The following DCUN1D5 variants were observed in gnomAD, a reference collection of about 807,000 sequenced individuals.
DCUN1D5 encodes the protein DCN1-like protein 5.
A neutral mutation model predicts 38.3 loss-of-function variants in DCUN1D5; 10 were observed. The observed-to-expected ratio is 0.26, with a 90% CI of 0.16 to 0.44. The LOEUF (loss-of-function observed/expected upper bound fraction) is 0.44. DCUN1D5 is among the 20% of genes least tolerant of loss of function. The probability of loss-of-function intolerance (pLI) is 1.00; values close to 1 mark genes in which losing one functional copy is unlikely to be tolerated. For synonymous variants in DCUN1D5, 93 were observed against 90.9 expected (o/e 1.02, Z -0.13); for missense variants, 148 against 275.3 (o/e 0.54, Z 3.27).
rs71066136 is a variant in DCUN1D5 at position 103,051,501 on chromosome 11, T to TCCCCCCCCCCCCCCC, written c.*10857_*10858insGGGGGGGGGGGGGGG. ...GATTTGGTGGCTTCACATATTTACTTCCCCCCCCCCCCCGCCACCCCTGTG... is the reference window on the plus strand; with the variant it reads ...GATTTGGTGGCTTCACATATTTACTTCCCCCCCCCCCCCCCCCCCCCCCCCCCCGCCACCCCTGTG... On this transcript the variant is annotated 3_prime_UTR_variant, in exon 8 of 8. Transcript: ENST00000260247. 3 of 111,418 alleles carry TCCCCCCCCCCCCCCC rather than the reference T, an allele frequency of 2.7e-5. No individual in the cohort carries two copies. Among genetic ancestry groups the TCCCCCCCCCCCCCCC allele is most frequent in the African/African-American group, 4.0e-5 (1 of 24,770 alleles). The allele number at this position is 111,418 out of a possible 1,614,324, so 6.9% of individuals were successfully genotyped here. A position where few individuals can be genotyped will look rare whatever the true frequency, so the allele number is the denominator to read the frequency against.
rs1862605448 is a variant in DCUN1D5 at position 103,083,011 on chromosome 11, TAAAAG to T, written c.250-177_250-173del. On this transcript the variant is annotated intron_variant, in intron 3 of 7. Transcript: ENST00000260247. The surrounding 1 kb of genome is among the most constrained non-coding windows in gnomAD (Gnocchi z 4.4). ...AAGAAATTGAGATGTGCCAATTTCT[TAAAAG>T]TAAAAAGTTCTAACAGTTTCTGAAG... 6.6e-6 allele frequency among the ~76,000 whole-genome samples: 1 copy of T among 152,040 alleles called. No homozygotes were observed. Among genetic ancestry groups the T allele is most frequent in the African/African-American group, 2.4e-5 (1 of 41,458 alleles).
chr11:103,081,240 A>C (rs1470165906), intron 4 of DCUN1D5, among the ~76,000 whole-genome samples: 1 of 152,080 alleles, frequency 6.6e-6, no homozygotes, highest in Admixed American at 6.6e-5. Context: ...GTATTTAAAG[A>C]GGAGGAGGAG....
At position 103,073,347 on chromosome 11, in the gene DCUN1D5, T is replaced by C. The variant is rs2134616812; in HGVS notation, c.342-6780A>G. On this transcript the variant is annotated intron_variant, in intron 4 of 7. Coordinates refer to ENST00000260247, the MANE Select transcript of DCUN1D5 (RefSeq NM_032299.4). The surrounding 1 kb of genome is among the most constrained non-coding windows in gnomAD (Gnocchi z 4.2). ...AGGAATATTAAGAGTATTCAAAGAC[T>C]CAAAACAGTAAAAATGTCAATTCTC... 6.6e-6 allele frequency among the ~76,000 whole-genome samples: 1 copy of C among 152,200 alleles called. No homozygotes were observed. Among genetic ancestry groups the C allele is most frequent in the Non-Finnish European group, 1.5e-5 (1 of 68,004 alleles).
rs1861986195 is a variant in DCUN1D5, at chr11:103,060,471, G to A, written c.*1888C>T. 6.6e-6 allele frequency among the ~76,000 whole-genome samples: 1 copy of A among 152,076 alleles called. No individual in the cohort carries two copies. The highest frequency in any genetic ancestry group is 2.4e-5 in the African/African-American group (1 of 41,404). ...GGGATGCGACACCTACATACACGGGGAGGGCTGACTTTTTATACAGGCAGG... is the reference window on the plus strand; with the variant it reads ...GGGATGCGACACCTACATACACGGGAAGGGCTGACTTTTTATACAGGCAGG... On this transcript the variant is annotated 3_prime_UTR_variant, in exon 8 of 8. Transcript: ENST00000260247.
chr11:103,056,685 T>C lies in DCUN1D5; in HGVS notation c.*5674A>G, dbSNP rs889791923. Reference sequence around the variant, plus strand: ...CAGGCCTAGAATACTTCTTGGCATATAGTAGATGCTTGAGATTTGTTAAAT... The same window carrying C: ...CAGGCCTAGAATACTTCTTGGCATACAGTAGATGCTTGAGATTTGTTAAAT... On this transcript the variant is annotated 3_prime_UTR_variant, in exon 8 of 8. Coordinates refer to ENST00000260247, the MANE Select transcript of DCUN1D5 (RefSeq NM_032299.4). The surrounding 1 kb of genome is among the most constrained non-coding windows in gnomAD (Gnocchi z 4.9). Among the ~76,000 whole-genome samples, 2 of 152,230 alleles carry C rather than the reference T, an allele frequency of 1.3e-5. No homozygotes were observed. The highest frequency in any genetic ancestry group is 2.4e-5 in the African/African-American group (1 of 41,466).
intron 4 of DCUN1D5, among the ~76,000 whole-genome samples, chr11:103,074,289 CG>C (rs1327316958): frequency 6.6e-6 from 1 of 152,134 alleles, no homozygotes; most frequent in African/African-American, 2.4e-5. Flanking sequence ...CTTCCATGTT[CG>C]TTAGCATCTC....
intron 2 of DCUN1D5, 23 bp downstream of exon 2, chr11:103,089,204 T>C: frequency 6.2e-7 from 1 of 1,606,062 alleles, no homozygotes; most frequent in Non-Finnish European, 8.5e-7. Context: ...ATGACTAGTA[T>C]CTTCTTATAT....
Position 103,057,938 on chromosome 11 carries a change from C to T in DCUN1D5, c.*4421G>A. Among the ~76,000 whole-genome samples, 1 of 151,934 alleles carries T rather than the reference C, an allele frequency of 6.6e-6. No individual in the cohort carries two copies. The highest frequency in any genetic ancestry group is 1.9e-4 in the East Asian group (1 of 5,182). ...TAAAGCTCAGAAAGCCAAAAACACC[C>T]CAGAAGGATAAAACTTCTAAAAAAT... On this transcript the variant is annotated 3_prime_UTR_variant, in exon 8 of 8. Transcript: ENST00000260247. The surrounding 1 kb of genome is among the most constrained non-coding windows in gnomAD (Gnocchi z 4.8).
At position 103,087,239 on chromosome 11, in the gene DCUN1D5, C is replaced by G. The variant is rs961826515; in HGVS notation, c.178+1988G>C. 1.1e-4 allele frequency among the ~76,000 whole-genome samples: 16 copies of G among 150,240 alleles called. No individual in the cohort carries two copies. Among genetic ancestry groups the G allele is most frequent in the Non-Finnish European group, 1.9e-4 (13 of 67,664 alleles). ...AGGCTGGAGTGCAGTGGTGTTATCT[C>G]GGCTCACTGTGAGCTCCGCCTCCTG... is the stretch of plus-strand genomic sequence containing the variant. On this transcript the variant is annotated intron_variant, in intron 2 of 7. Coordinates refer to ENST00000260247, the MANE Select transcript of DCUN1D5 (RefSeq NM_032299.4). The surrounding 1 kb of genome is among the most constrained non-coding windows in gnomAD (Gnocchi z 4.1).
At position 103,059,708 on chromosome 11, in the gene DCUN1D5, A is replaced by G. The variant is rs1861964215; in HGVS notation, c.*2651T>C. Among the ~76,000 whole-genome samples, 1 of 131,862 alleles carries G rather than the reference A, an allele frequency of 7.6e-6. No homozygotes were observed. Among genetic ancestry groups the G allele is most frequent in the South Asian group, 2.6e-4 (1 of 3,918 alleles). 86.5% of individuals were successfully genotyped at this position (131,862 alleles called of 152,430 possible). A position where few individuals can be genotyped will look rare whatever the true frequency, so the allele number is the denominator to read the frequency against. On this transcript the variant is annotated 3_prime_UTR_variant, in exon 8 of 8. Coordinates refer to ENST00000260247, the MANE Select transcript of DCUN1D5 (RefSeq NM_032299.4). Reference sequence around the variant, plus strand: ...GAATCCCTGGCAATTTCCTAGAGGTATTAACATCATACCTTATTAAGAATT... The same window carrying G: ...GAATCCCTGGCAATTTCCTAGAGGTGTTAACATCATACCTTATTAAGAATT...
intron 4 of DCUN1D5, among the ~76,000 whole-genome samples, chr11:103,070,595 T>C (rs1862248039): frequency 1.3e-5 from 2 of 152,114 alleles, no homozygotes. Context: ...ATGTGTGAAG[T>C]AGCACTGAAA....
chr11:103,062,426 G>C lies in DCUN1D5; in HGVS notation c.659-12C>G. ...AAGAAGAACAGGCCCTAGAAAAAAAGAAACCATTTTTGTCAGAATTCAGTG... is the reference window on the plus strand; with the variant it reads ...AAGAAGAACAGGCCCTAGAAAAAAACAAACCATTTTTGTCAGAATTCAGTG... On this transcript the variant is annotated splice_polypyrimidine_tract_variant and intron_variant, in intron 7 of 7. Transcript: ENST00000260247. The surrounding 1 kb of genome is among the most constrained non-coding windows in gnomAD (Gnocchi z 4.6). The C allele has an allele frequency of 6.2e-7, 1 of 1,609,860 alleles. No individual in the cohort carries two copies. The highest frequency in any genetic ancestry group is 8.5e-7 in the Non-Finnish European group (1 of 1,178,510).
At chr11:103,080,589 T>C (rs1862535127) in intron 4 of DCUN1D5, among the ~76,000 whole-genome samples, 1 of 152,208 alleles carries the variant, frequency 6.6e-6, no homozygotes, top group African/African-American at 2.4e-5. Context: ...CAGTATATTA[T>C]TCTGGGCAAA....
rs1017154113 is a variant in DCUN1D5, at chr11:103,056,735, T to C, written c.*5624A>G. Among the ~76,000 whole-genome samples, 2 of 152,296 alleles carry C rather than the reference T, an allele frequency of 1.3e-5. No individual in the cohort carries two copies. Among genetic ancestry groups the C allele is most frequent in the East Asian group, 1.9e-4 (1 of 5,180 alleles). On this transcript the variant is annotated 3_prime_UTR_variant, in exon 8 of 8. Coordinates refer to ENST00000260247, the MANE Select transcript of DCUN1D5 (RefSeq NM_032299.4). The surrounding 1 kb of genome is among the most constrained non-coding windows in gnomAD (Gnocchi z 4.9). ...TTAATGATTTAGTCTAAGGAGAATA[T>C]TAATAATTTTGTTTGATTATAAAAA...
At chr11:103,081,786 G>A (rs950858245) in intron 4 of DCUN1D5, among the ~76,000 whole-genome samples, 1 of 152,000 alleles carries the variant, frequency 6.6e-6, no homozygotes, top group Non-Finnish European at 1.5e-5. Flanking sequence ...AAATATCCAC[G>A]TGTCTACATG....
chr11:103,091,206 A>G lies in DCUN1D5; in HGVS notation c.86+581T>C, dbSNP rs61897067. 0.085 allele frequency among the ~76,000 whole-genome samples: 12,851 copies of G among 152,012 alleles called. 710 individuals are homozygous for G. Among genetic ancestry groups the G allele is most frequent in the Non-Finnish European group, 0.12 (7,875 of 67,950 alleles). ...GGACTTGGCATAGGTGAGGCACTAT[A>G]CTTCCAGAAAATGGGGCTCCTGCAA... On this transcript the variant is annotated intron_variant, in intron 1 of 7. Coordinates refer to ENST00000260247, the MANE Select transcript of DCUN1D5 (RefSeq NM_032299.4). This position sits in a 1 kb window ranked among gnomAD's most constrained non-coding sequence, Gnocchi z 4.3.
chr11:103,065,824 T>C lies in DCUN1D5; in HGVS notation c.555+445A>G, dbSNP rs924283708. Among the ~76,000 whole-genome samples, 2 of 152,192 alleles carry C rather than the reference T, an allele frequency of 1.3e-5. No homozygotes were observed. The highest frequency in any genetic ancestry group is 2.9e-5 in the Non-Finnish European group (2 of 68,022). ...CCATAAAATATTAATAGCTTTATTC[T>C]GTTTCTTTAGATTGAGCCTAAGTAG... is the stretch of plus-strand genomic sequence containing the variant. On this transcript the variant is annotated intron_variant, in intron 6 of 7. Transcript: ENST00000260247. The surrounding 1 kb of genome is among the most constrained non-coding windows in gnomAD (Gnocchi z 4.6).
At chr11:103,072,517 T>C (rs1862303348) in intron 4 of DCUN1D5, among the ~76,000 whole-genome samples, 1 of 151,982 alleles carries the variant, frequency 6.6e-6, no homozygotes, top group African/African-American at 2.4e-5. Flanking sequence ...ATCCCAAATG[T>C]CCATCAATGA....
rs368475333 is a variant in DCUN1D5 at position 103,077,647 on chromosome 11, A to C, written c.341+5101T>G. Among the ~76,000 whole-genome samples the C allele has an allele frequency of 5.3e-5, 8 of 152,332 alleles. No homozygotes were observed. In the East Asian group the frequency reaches 9.6e-4, roughly 18 times the overall value. ...AGGCTTTTGAACTTGTGTTTCATTA[A>C]AGACCTTTAAAGTGAGAAGAAAGTT... On this transcript the variant is annotated intron_variant, in intron 4 of 7. Transcript: ENST00000260247. This position sits in a 1 kb window ranked among gnomAD's most constrained non-coding sequence, Gnocchi z 4.3.
Sources: allele counts gnomAD v4.1 joint callset (sites outside exome capture counted in the v4.1 genomes callset), GRCh38; gene constraint gnomAD v4.1.1; non-coding constraint Gnocchi (gnomAD v3.1); transcripts MANE v1.5; gene names NCBI Gene and HGNC (gene_info 2026-07-23, HGNC 2026-07-21).